The following AMMECR1L variants were observed in gnomAD, a reference collection of about 807,000 sequenced individuals.
AMMECR1L encodes the protein AMMECR1 like.
Under a neutral mutation model 36.8 loss-of-function variants are expected in AMMECR1L, and 4 were observed. The ratio of observed to expected loss-of-function variants is 0.11; its 90% CI spans 0.05 to 0.25. The LOEUF is 0.25. Ranked by LOEUF, AMMECR1L falls within the 10% of genes least tolerant of loss-of-function variation. AMMECR1L has a pLI of 1.00. For synonymous variants in AMMECR1L, 147 were observed against 148.0 expected (o/e 0.99, Z 0.05); for missense variants, 232 against 392.1 (o/e 0.59, Z 3.45).
At position 127,865,306 on chromosome 2, in the gene AMMECR1L, G is replaced by A. The variant is rs1256522578; in HGVS notation, c.822-101C>T. ...CAAAAGCTTATTCCACATTTTGAAA[G>A]AATAAAATGGAAGACCAAGAGCAAT... On this transcript the variant is annotated intron_variant, in intron 7 of 7. Coordinates refer to ENST00000272647, the MANE Select transcript of AMMECR1L (RefSeq NM_001199140.2). The surrounding 1 kb of genome is among the most constrained non-coding windows in gnomAD (Gnocchi z 5.4). 7.8e-6 allele frequency: 5 copies of A among 639,792 alleles called. No individual in the cohort carries two copies. The East Asian group carries it at 1.3e-4, about 16-fold the overall frequency. 39.6% of individuals were successfully genotyped at this position (639,792 alleles called of 1,614,324 possible). A position where few individuals can be genotyped will look rare whatever the true frequency, so the allele number is the denominator to read the frequency against.
intron 2 of AMMECR1L, among the ~76,000 whole-genome samples, chr2:127,877,412 T>G (rs566699452): frequency 1.3e-5 from 2 of 151,868 alleles, no homozygotes; most frequent in East Asian, 3.9e-4. Context: ...CTTGGCTCAC[T>G]GCAACCTCTG....
At chr2:127,867,098 C>T (rs1015956944) in intron 6 of AMMECR1L, 102 bp from the exon 7 acceptor site, 11 of 1,551,486 alleles carry the variant, frequency 7.1e-6, no homozygotes, top group East Asian at 6.9e-5. Context: ...GAGAAGCAGC[C>T]GAGTCTGCTA....
chr2:127,873,965 G>A lies in AMMECR1L; in HGVS notation c.270C>T (p.Pro90=), dbSNP rs763487951. Residue 90 remains proline, a synonymous_variant, in exon 3 of 8, where the codon CCC becomes CCT. Coordinates refer to ENST00000272647, the MANE Select transcript of AMMECR1L (RefSeq NM_001199140.2). This position sits in a 1 kb window ranked among gnomAD's most constrained non-coding sequence, Gnocchi z 5.2. ...TGGTGTTGGCAGTTCCATTAGGCCG[G>A]GGAAGAGGGCTCAGCGCTCCCGATG... ...NPASGALSPL[P]RPNGTANTTK... is the part of the protein sequence containing the mutation. The A allele has an allele frequency of 5.0e-6, 8 of 1,614,106 alleles. No homozygotes were observed. The highest frequency in any genetic ancestry group is 1.3e-5 in the African/African-American group (1 of 74,926).
At chr2:127,866,331 T>C (rs189653074) in intron 7 of AMMECR1L, among the ~76,000 whole-genome samples, 64 of 152,274 alleles carry the variant, frequency 4.2e-4, no homozygotes, top group African/African-American at 9.9e-4. Flanking sequence ...CATTCACATC[T>C]TACAGACAGG....
chr2:127,870,278 C>T (rs12986693), intron 5 of AMMECR1L, among the ~76,000 whole-genome samples: 35,030 of 150,294 alleles, frequency 0.23, 5,203 homozygotes, highest in South Asian at 0.48. Context: ...TGCACCACTG[C>T]ACTCCAGCCT....
In AMMECR1L at chr2:127,871,731, C is replaced by T. The variant is rs776021782; in HGVS notation, c.408-372G>A. ...ATTTATCCAGGTAGCCATGCTCCCC[C>T]GCTCCGTCTTTCATGATGACACGCC... On this transcript the variant is annotated intron_variant, in intron 3 of 7. Coordinates refer to ENST00000272647, the MANE Select transcript of AMMECR1L (RefSeq NM_001199140.2). This position sits in a 1 kb window ranked among gnomAD's most constrained non-coding sequence, Gnocchi z 4.3. Among the ~76,000 whole-genome samples, 4 of 152,126 alleles carry T rather than the reference C, an allele frequency of 2.6e-5. No individual in the cohort carries two copies. The highest frequency in any genetic ancestry group is 4.4e-5 in the Non-Finnish European group (3 of 68,022).
Position 127,862,510 on chromosome 2 carries a change from T to C in AMMECR1L, c.*2584A>G, listed in dbSNP as rs990282589. 7.2e-5 allele frequency: 11 copies of C among 153,630 alleles called. No individual in the cohort carries two copies. Among genetic ancestry groups the C allele is most frequent in the Non-Finnish European group, 1.0e-4 (7 of 68,112 alleles). 9.5% of individuals were successfully genotyped at this position (153,630 alleles called of 1,614,324 possible). On this transcript the variant is annotated 3_prime_UTR_variant, in exon 8 of 8. Transcript: ENST00000272647. ...TTCCTGAGAGCCACCTGCTACACAC[T>C]TTCATGAGGCGACCGTGACCGTACA...
At chr2:127,876,682 T>C (rs1011798011) in intron 2 of AMMECR1L, among the ~76,000 whole-genome samples, 2 of 152,094 alleles carry the variant, frequency 1.3e-5, no homozygotes, top group African/African-American at 4.8e-5. Context: ...GGAATAATAA[T>C]AGTATTTGCT....
In AMMECR1L at chr2:127,864,972, G is replaced by C; in HGVS notation, c.*122C>G. 1 of 696,494 alleles carries C rather than the reference G, an allele frequency of 1.4e-6. No homozygotes were observed. The highest frequency in any genetic ancestry group is 2.8e-5 in the East Asian group (1 of 36,022). 43.1% of individuals were successfully genotyped at this position (696,494 alleles called of 1,614,324 possible). A position where few individuals can be genotyped will look rare whatever the true frequency, so the allele number is the denominator to read the frequency against. ...GCGGGAGGCAGACTTGGCAACGGAA[G>C]CTAGCATCATAAAATGGTGCAGTAA... On this transcript the variant is annotated 3_prime_UTR_variant, in exon 8 of 8. Transcript: ENST00000272647.
intron 5 of AMMECR1L, 59 bp downstream of exon 5, chr2:127,870,755 T>C: frequency 1.5e-6 from 2 of 1,353,876 alleles, no homozygotes; most frequent in Non-Finnish European, 2.1e-6. Context: ...CATTGCCATG[T>C]ACTAACCCGA....
At position 127,873,343 on chromosome 2, in the gene AMMECR1L, G is replaced by A. The variant is rs1558995071; in HGVS notation, c.407+485C>T. ...ATTCTGACTTCTTGATGGGATGTGAGTGGCCCTACAGGTTTACCAAGGGAT... is the reference window on the plus strand; with the variant it reads ...ATTCTGACTTCTTGATGGGATGTGAATGGCCCTACAGGTTTACCAAGGGAT... On this transcript the variant is annotated intron_variant, in intron 3 of 7. Transcript: ENST00000272647. This position sits in a 1 kb window ranked among gnomAD's most constrained non-coding sequence, Gnocchi z 5.2. 1 of 985,452 alleles carries A rather than the reference G, an allele frequency of 1.0e-6. No individual in the cohort carries two copies. The highest frequency in any genetic ancestry group is 1.2e-6 in the Non-Finnish European group (1 of 829,932). The allele number at this position is 985,452 out of a possible 1,614,324, so 61.0% of individuals were successfully genotyped here.
rs772645121 is a variant in AMMECR1L at position 127,874,185 on chromosome 2, C to G, written c.50G>C (p.Gly17Ala). 6 of 1,614,074 alleles carry G rather than the reference C, an allele frequency of 3.7e-6. No individual in the cohort carries two copies. Among genetic ancestry groups the G allele is most frequent in the Non-Finnish European group, 5.1e-6 (6 of 1,180,048 alleles). ...TTTGGGCTTCTTGACCCCACAACAG[C>G]CTGCTGCCAACTTGGGCTCGAGTGG... ...VPPLEPKLAA[G>A]CCGVKKPKLS... Residue 17 changes from glycine (G) to alanine (A), a missense_variant, in exon 3 of 8, where the codon GGC becomes GCC. Coordinates refer to ENST00000272647, the MANE Select transcript of AMMECR1L (RefSeq NM_001199140.2). This position sits in a 1 kb window ranked among gnomAD's most constrained non-coding sequence, Gnocchi z 5.2.
rs1030554101 is a variant in AMMECR1L at position 127,885,535 on chromosome 2, G to T, written c.-149+275C>A. 5 of 983,948 alleles carry T rather than the reference G, an allele frequency of 5.1e-6. No individual in the cohort carries two copies. The African/African-American group carries it at 8.8e-5, about 17-fold the overall frequency. The allele number at this position is 983,948 out of a possible 1,614,324, so 61.0% of individuals were successfully genotyped here. A position where few individuals can be genotyped will look rare whatever the true frequency, so the allele number is the denominator to read the frequency against. On this transcript the variant is annotated intron_variant, in intron 1 of 7. Coordinates refer to ENST00000272647, the MANE Select transcript of AMMECR1L (RefSeq NM_001199140.2). The stretch of plus-strand genomic sequence containing the variant: ...CAGACAAGGACCAGGAGCGGGAGCC[G>T]AGCCTCGCGGCCCGGGGCACGGCGC...
intron 2 of AMMECR1L, among the ~76,000 whole-genome samples, chr2:127,878,861 A>G (rs879438402): frequency 4.6e-5 from 7 of 152,240 alleles, no homozygotes; most frequent in Non-Finnish European, 7.3e-5. Context: ...GCAGAGTTAG[A>G]TATTTTCTGC....
chr2:127,882,651 T>C (rs1357302401), intron 2 of AMMECR1L, among the ~76,000 whole-genome samples: 1 of 152,186 alleles, frequency 6.6e-6, no homozygotes, highest in Admixed American at 6.6e-5. Flanking sequence ...TGGAGTGCAG[T>C]GGTACAATCA....
rs1690966506 is a variant in AMMECR1L, at chr2:127,871,557, CA to C, written c.408-199del. Reference sequence around the variant, plus strand: ...TGGAAACGGGAAACCTACAAGGCAGCATAAGGAAAGGCTCCGTGTAGTGGTT... The same window carrying C: ...TGGAAACGGGAAACCTACAAGGCAGCTAAGGAAAGGCTCCGTGTAGTGGTT... On this transcript the variant is annotated intron_variant, in intron 3 of 7. Coordinates refer to ENST00000272647, the MANE Select transcript of AMMECR1L (RefSeq NM_001199140.2). This position sits in a 1 kb window ranked among gnomAD's most constrained non-coding sequence, Gnocchi z 4.3. Among the ~76,000 whole-genome samples, 1 of 152,216 alleles carries C rather than the reference CA, an allele frequency of 6.6e-6. No homozygotes were observed. The highest frequency in any genetic ancestry group is 2.4e-5 in the African/African-American group (1 of 41,460).
chr2:127,861,850 ACGT>A lies in AMMECR1L; in HGVS notation c.*3241_*3243del, dbSNP rs1690482456. Reference sequence around the variant, plus strand: ...GGCTCCAGAATCTCAATAGAAAATAACGTCAACAGTTAGTGAAATTGTAGATGT... The same window carrying A: ...GGCTCCAGAATCTCAATAGAAAATAACAACAGTTAGTGAAATTGTAGATGT... On this transcript the variant is annotated 3_prime_UTR_variant, in exon 8 of 8. Transcript: ENST00000272647. 2 of 152,486 alleles carry A rather than the reference ACGT, an allele frequency of 1.3e-5. No homozygotes were observed. Among genetic ancestry groups the A allele is most frequent in the Admixed American group, 1.3e-4 (2 of 15,284 alleles). The allele number at this position is 152,486 out of a possible 1,614,324, so 9.4% of individuals were successfully genotyped here.
chr2:127,871,616 T>G lies in AMMECR1L; in HGVS notation c.408-257A>C, dbSNP rs1223232864. ...TCCATGCTGACAGCTTTAATTCACTTTGCCGCCAAATTTACATGCTACTTT... is the reference window on the plus strand; with the variant it reads ...TCCATGCTGACAGCTTTAATTCACTGTGCCGCCAAATTTACATGCTACTTT... On this transcript the variant is annotated intron_variant, in intron 3 of 7. Coordinates refer to ENST00000272647, the MANE Select transcript of AMMECR1L (RefSeq NM_001199140.2). This position sits in a 1 kb window ranked among gnomAD's most constrained non-coding sequence, Gnocchi z 4.3. Among the ~76,000 whole-genome samples, 1 of 152,194 alleles carries G rather than the reference T, an allele frequency of 6.6e-6. No homozygotes were observed. The highest frequency in any genetic ancestry group is 1.5e-5 in the Non-Finnish European group (1 of 68,042).
chr2:127,873,920 A>G lies in AMMECR1L; in HGVS notation c.315T>C (p.Thr105=), dbSNP rs771998881. The change falls in exon 3 of 8, where the codon ACT becomes ACC. Residue 105 remains threonine (T), a synonymous_variant. Coordinates refer to ENST00000272647, the MANE Select transcript of AMMECR1L (RefSeq NM_001199140.2). This position sits in a 1 kb window ranked among gnomAD's most constrained non-coding sequence, Gnocchi z 5.2. ...CGAAGCAGTAGCAGCACATCTCTGC[A>G]GTCACCACCAGATTCTTAGTGGTGT... is the stretch of plus-strand genomic sequence containing the variant. ...TANTTKNLVV[T]AEMCCYCFDV... 6.2e-7 allele frequency: 1 copy of G among 1,614,244 alleles called. No individual in the cohort carries two copies. The highest frequency in any genetic ancestry group is 1.1e-5 in the South Asian group (1 of 91,086).
Sources: gnomAD v4.1 joint callset for allele counts (sites outside exome capture counted in the v4.1 genomes callset) on GRCh38, gnomAD v4.1.1 for gene constraint, Gnocchi (gnomAD v3.1) non-coding constraint, MANE v1.5 for transcripts, NCBI Gene and HGNC (gene_info 2026-07-23, HGNC 2026-07-21) for gene names.